TMPRSS15: variants seen among roughly 807,000 people sequenced by gnomAD.
TMPRSS15 encodes transmembrane serine protease 15.
TMPRSS15 carries 128 observed loss-of-function variants against 125.3 expected under a neutral mutation model. That is an observed-to-expected ratio of 1.02 (90% CI 0.89 to 1.18). The LOEUF (loss-of-function observed/expected upper bound fraction) is 1.18, where lower values mean the gene tolerates loss of function less well. Among genes scored for constraint, TMPRSS15 ranks in the 50% most tolerant of loss-of-function variants. TMPRSS15 has a pLI of 0.00. For synonymous variants in TMPRSS15, 446 were observed against 423.2 expected, an observed-to-expected ratio of 1.05 and a Z score of -0.66; for missense variants, 1,283 against 1,212.7, an observed-to-expected ratio of 1.06 and a Z score of -0.86.
intron 3 of TMPRSS15, among the ~76,000 whole-genome samples, chr21:18,391,398 G>A (rs1240594259): frequency 1.3e-5 from 2 of 152,186 alleles, no homozygotes; most frequent in African/African-American, 4.8e-5. Flanking sequence ...AAAAAAATTT[G>A]GACAAAACAA....
chr21:18,458,054 G>C (rs996793160), intron 1 of TMPRSS15, among the ~76,000 whole-genome samples: 1 of 152,070 alleles, frequency 6.6e-6, no homozygotes. Flanking sequence ...AAGTGTGCTT[G>C]GTGCTACCAT....
intron 2 of TMPRSS15, 114 bp from the exon 3 acceptor site, chr21:18,398,060 C>A: frequency 2.4e-6 from 3 of 1,246,982 alleles, no homozygotes; most frequent in Non-Finnish European, 3.4e-6. Context: ...CAATTTTCTC[C>A]ATAGTAATGG....
At chr21:18,473,602 C>T (rs1978821100) in intron 1 of TMPRSS15, among the ~76,000 whole-genome samples, 1 of 152,014 alleles carries the variant, frequency 6.6e-6, no homozygotes, top group African/African-American at 2.4e-5. Context: ...CCTGTTTTCA[C>T]ATAAATATTT....
At chr21:18,437,261 T>C (rs1159056948) in intron 1 of TMPRSS15, among the ~76,000 whole-genome samples, 2 of 151,732 alleles carry the variant, frequency 1.3e-5, no homozygotes, top group African/African-American at 4.8e-5. Flanking sequence ...CTGGGAAAAC[T>C]GGCTAGCCAT....
intron 21 of TMPRSS15, among the ~76,000 whole-genome samples, chr21:18,292,439 A>G (rs1238771734): frequency 6.6e-6 from 1 of 152,174 alleles, no homozygotes; most frequent in Non-Finnish European, 1.5e-5. Context: ...TCTGGTAACA[A>G]TTGGACATGT....
intron 1 of TMPRSS15, among the ~76,000 whole-genome samples, chr21:18,478,973 T>G (rs972183691): frequency 5.3e-5 from 8 of 151,948 alleles, no homozygotes; most frequent in African/African-American, 1.9e-4. Flanking sequence ...AGAACAGAAC[T>G]CTTTCATATG....
At chr21:18,280,841 G>A (rs544755061) in intron 22 of TMPRSS15, among the ~76,000 whole-genome samples, 199 bp downstream of exon 22, 2 of 152,170 alleles carry the variant, frequency 1.3e-5, no homozygotes, top group East Asian at 3.9e-4. Context: ...GTTCTTTCTG[G>A]AAAGTTGAAT....
chr21:18,460,505 C>A (rs1978531874), intron 1 of TMPRSS15: 1 of 152,028 alleles, frequency 6.6e-6, no homozygotes, highest in African/African-American at 2.4e-5. Flanking sequence ...CAGAGTTCTG[C>A]AAATAAACAG....
At chr21:18,391,118 T>A (rs2075986695) in intron 3 of TMPRSS15, among the ~76,000 whole-genome samples, 1 of 152,204 alleles carries the variant, frequency 6.6e-6, no homozygotes, top group Admixed American at 6.5e-5. Flanking sequence ...ATGAGATTTG[T>A]GTGGGGACAC....
intron 18 of TMPRSS15, among the ~76,000 whole-genome samples, chr21:18,305,340 C>T (rs1476266017): frequency 6.6e-6 from 1 of 151,892 alleles, no homozygotes; most frequent in Admixed American, 6.6e-5. Flanking sequence ...AGGCGCCCGC[C>T]ACCGCGCCCG....
upstream of TMPRSS15, among the ~76,000 whole-genome samples, chr21:18,405,608 T>A (rs995559007): frequency 6.6e-6 from 1 of 152,132 alleles, no homozygotes; most frequent in African/African-American, 2.4e-5. Context: ...TATGGAAACT[T>A]CATATATGAA....
intron 6 of TMPRSS15, among the ~76,000 whole-genome samples, chr21:18,367,633 A>C (rs182529423): frequency 1.3e-5 from 2 of 152,302 alleles, no homozygotes; most frequent in Admixed American, 6.5e-5. Flanking sequence ...TTTGAGTTAC[A>C]ATACTTAGGA....
At chr21:18,438,607 G>A (rs552064854) in intron 1 of TMPRSS15, among the ~76,000 whole-genome samples, 85 of 152,080 alleles carry the variant, frequency 5.6e-4, no homozygotes, top group South Asian at 8.3e-4. Flanking sequence ...TATTTGTATG[G>A]TGCTTTATAC....
intron 23 of TMPRSS15, among the ~76,000 whole-genome samples, chr21:18,277,469 G>C (rs928206609): frequency 6.6e-6 from 1 of 152,246 alleles, no homozygotes; most frequent in Non-Finnish European, 1.5e-5. Context: ...CATTTTTACT[G>C]TTTAAATTTG....
chr21:18,468,010 T>C (rs1978701810), intron 1 of TMPRSS15, among the ~76,000 whole-genome samples: 1 of 151,998 alleles, frequency 6.6e-6, no homozygotes, highest in South Asian at 2.1e-4. Context: ...AAGAGAACTT[T>C]TGAAAGTTCC....
intron 7 of TMPRSS15, among the ~76,000 whole-genome samples, chr21:18,362,815 A>G (rs2075690207): frequency 6.6e-6 from 1 of 152,166 alleles, no homozygotes; most frequent in African/African-American, 2.4e-5. Flanking sequence ...TTCTACAGAC[A>G]CAGAAATTTG....
chr21:18,402,952 C>T (rs535761137), intron 1 of TMPRSS15, among the ~76,000 whole-genome samples: 1 of 152,068 alleles, frequency 6.6e-6, no homozygotes, highest in African/African-American at 2.4e-5. Context: ...AGTTGCTACT[C>T]AGTTTGTGAC....
At chr21:18,463,045 A>G (rs1462881128) in intron 1 of TMPRSS15, among the ~76,000 whole-genome samples, 1 of 151,964 alleles carries the variant, frequency 6.6e-6, no homozygotes, top group East Asian at 1.9e-4. Context: ...ATTTTTTAAC[A>G]TATTTAGCAT....
At chr21:18,303,860 C>T (rs1473217399) in intron 18 of TMPRSS15, among the ~76,000 whole-genome samples, 2 of 151,960 alleles carry the variant, frequency 1.3e-5, no homozygotes, top group East Asian at 1.9e-4. Context: ...AAAGTGTAAG[C>T]CAAAATACGA....
Sources: allele counts gnomAD v4.1 joint callset (sites outside exome capture counted in the v4.1 genomes callset), GRCh38; gene constraint gnomAD v4.1.1; transcripts MANE v1.5; gene names NCBI Gene and HGNC (gene_info 2026-07-23, HGNC 2026-07-21).